TTC21A: variants seen among roughly 807,000 people sequenced by gnomAD.
TTC21A encodes tetratricopeptide repeat protein 21A.
In TTC21A, 128 loss-of-function variants were observed where a neutral mutation model predicts 156.4. That is an observed-to-expected ratio of 0.82 (90% CI 0.71 to 0.95). TTC21A has a LOEUF of 0.95. Ranked by LOEUF, TTC21A falls within the 40% of genes least tolerant of loss-of-function variation. The probability of loss-of-function intolerance (pLI) is 0.00; values close to 1 mark genes in which losing one functional copy is unlikely to be tolerated. For missense variants in TTC21A, 1,435 were observed against 1,602.3 expected (o/e 0.90, Z 1.78); for synonymous variants, 587 against 617.1 (o/e 0.95, Z 0.72).
intron 4 of TTC21A, among the ~76,000 whole-genome samples, chr3:39,111,855 G>A (rs1329328824): frequency 6.6e-6 from 1 of 152,180 alleles, no homozygotes; most frequent in Non-Finnish European, 1.5e-5. Context: ...CCATCAAGAG[G>A]GGTGCTTTAG....
At chr3:39,136,674 G>C in intron 23 of TTC21A, 167 bp downstream of exon 23, 1 of 1,005,066 alleles carries the variant, frequency 9.9e-7, no homozygotes, top group Admixed American at 3.0e-5. Flanking sequence ...GTGGAAGTCA[G>C]GGAGAGCCTG....
intron 6 of TTC21A, among the ~76,000 whole-genome samples, chr3:39,117,031 G>A (rs1275233873): frequency 5.9e-5 from 9 of 152,084 alleles, no homozygotes; most frequent in African/African-American, 2.2e-4. Flanking sequence ...TGAGTTGGAT[G>A]CCTGTCTCAA....
At chr3:39,109,276 C>A in intron 2 of TTC21A, 62 bp downstream of exon 2, 3 of 1,563,192 alleles carry the variant, frequency 1.9e-6, no homozygotes, top group East Asian at 2.3e-5. Flanking sequence ...AACACTCTGG[C>A]TCCACCTGGA....
chr3:39,108,035 C>A, intron 1 of TTC21A, 171 bp downstream of exon 1: 1 of 713,362 alleles, frequency 1.4e-6, no homozygotes, highest in South Asian at 1.8e-5. Context: ...CCGGTGGCTT[C>A]TGCGCACCCT....
chr3:39,136,962 G>C lies in TTC21A; in HGVS notation c.3159G>C (p.Trp1053Cys), dbSNP rs201982985. The C allele has an allele frequency of 1.7e-4, 279 of 1,614,220 alleles. No individual in the cohort carries two copies. In the African/African-American group the frequency reaches 3.3e-3, roughly 19 times the overall value. Residue 1053 changes from tryptophan to cysteine, a missense_variant, in exon 24 of 29, where the codon TGG becomes TGC. By Grantham distance (215) the Trp-to-Cys change is radical. Transcript: ENST00000683103. ...ACAAGGCACGCAAGGACAGCACTTG[G>C]GGCCAGAGCGCCATCTACCACATGG... ...FLNKARKDST[W>C]GQSAIYHMVQ...
Position 39,112,623 on chromosome 3 carries a change from G to A in TTC21A, c.558+43G>A, listed in dbSNP as rs767196219. ...GAGAGGTGGAAGTATTCCTGGCCAG[G>A]CCACTGGAACCAGAGACCCACCAGG... On this transcript the variant is annotated intron_variant, in intron 5 of 28. Transcript: ENST00000683103. 5 of 1,607,356 alleles carry A rather than the reference G, an allele frequency of 3.1e-6. No individual in the cohort carries two copies. In the South Asian group the frequency reaches 4.4e-5, roughly 14 times the overall value.
At chr3:39,122,592 G>A (rs1031321786) in intron 9 of TTC21A, among the ~76,000 whole-genome samples, 3 of 152,174 alleles carry the variant, frequency 2.0e-5, no homozygotes, top group South Asian at 2.1e-4. Flanking sequence ...CAGTGAGAGC[G>A]ATAATAGGAG....
chr3:39,116,670 A>T (rs1261491829), intron 6 of TTC21A, among the ~76,000 whole-genome samples: 1 of 151,880 alleles, frequency 6.6e-6, no homozygotes, highest in Non-Finnish European at 1.5e-5. Context: ...TTTTGTTTTT[A>T]TGTTGCCCAA....
At position 39,134,758 on chromosome 3, in the gene TTC21A, T is replaced by C. The variant is rs2038986314; in HGVS notation, c.2863-335T>C. 1 of 489,536 alleles carries C rather than the reference T, an allele frequency of 2.0e-6. No homozygotes were observed. Among genetic ancestry groups the C allele is most frequent in the South Asian group, 2.3e-5 (1 of 43,692 alleles). The allele number at this position is 489,536 out of a possible 1,614,324, so 30.3% of individuals were successfully genotyped here. On this transcript the variant is annotated intron_variant, in intron 21 of 28. Transcript: ENST00000683103. This position sits in a 1 kb window ranked among gnomAD's most constrained non-coding sequence, Gnocchi z 4.6. ...GGAGGGGTCCTCATCCCTACCTCTATTGCCTGGCAGTTCTCAGAATGGGTG... is the reference window on the plus strand; with the variant it reads ...GGAGGGGTCCTCATCCCTACCTCTACTGCCTGGCAGTTCTCAGAATGGGTG...
chr3:39,128,459 T>C lies in TTC21A; in HGVS notation c.1651T>C (p.Leu551=). ...CAACTTTGGCATGTGCTTCCACTGC[T>C]TAGAGCTGGGTGTCAGCCACAACTT... ...QGNFGMCFHC[L]ELGVSHNFQV... Residue 551 remains leucine, a synonymous_variant, in exon 13 of 29, where the codon TTA becomes CTA. Transcript: ENST00000683103. 6.2e-7 allele frequency: 1 copy of C among 1,614,212 alleles called. No homozygotes were observed. Among genetic ancestry groups the C allele is most frequent in the South Asian group, 1.1e-5 (1 of 91,092 alleles).
Position 39,125,413 on chromosome 3 carries a change from G to C in TTC21A, c.1273G>C (p.Val425Leu). Residue 425 changes from valine (V) to leucine (L), a missense_variant, in exon 11 of 29, where the codon GTG becomes CTG. By Grantham distance (32) the Val-to-Leu change is conservative. Coordinates refer to ENST00000683103, the MANE Select transcript of TTC21A (RefSeq NM_001366900.1). ...GACCACAGCGCTCCTGAAGGAGGCA[G>C]TGGAGCTTCACTTCTCCAGCATGCA... ...EETTALLKEA[V>L]ELHFSSMQGI... is the part of the protein sequence containing the mutation. 6.2e-7 allele frequency: 1 copy of C among 1,614,150 alleles called. No homozygotes were observed. Among genetic ancestry groups the C allele is most frequent in the Non-Finnish European group, 8.5e-7 (1 of 1,179,972 alleles).
chr3:39,114,141 G>T (rs2037072491), intron 5 of TTC21A, among the ~76,000 whole-genome samples: 1 of 152,228 alleles, frequency 6.6e-6, no homozygotes, highest in South Asian at 2.1e-4. Context: ...AGAAGTAGTT[G>T]CCAGAAAACC....
Position 39,110,856 on chromosome 3 carries a change from G to A in TTC21A, c.274G>A (p.Glu92Lys), listed in dbSNP as rs1559666784. The A allele has an allele frequency of 3.7e-6, 6 of 1,613,790 alleles. No homozygotes were observed. Among genetic ancestry groups the A allele is most frequent in the Non-Finnish European group, 4.2e-6 (5 of 1,180,002 alleles). The change falls in exon 4 of 29, where the codon GAA becomes AAA. Residue 92 changes from glutamate to lysine, a missense_variant. By Grantham distance (56) the Glu-to-Lys change is moderately conservative. Transcript: ENST00000683103. ...CTTCGCTCTTGGATTTACAGACCGA[G>A]AAGCAATTCAGGAGCTTGAGTACAG... ...AHKRCEIIDR[E>K]AIQELEYSLK...
intron 5 of TTC21A, 22 bp downstream of exon 5, chr3:39,112,602 G>C: frequency 6.2e-7 from 1 of 1,612,922 alleles, no homozygotes; most frequent in Non-Finnish European, 8.5e-7. Flanking sequence ...AAAAGGGAGA[G>C]GTGGAAGTAT....
At chr3:39,108,643 TG>T (rs763432044) in intron 1 of TTC21A, among the ~76,000 whole-genome samples, 11 of 152,232 alleles carry the variant, frequency 7.2e-5, no homozygotes, top group Non-Finnish European at 1.5e-4. Context: ...TCAGCCCCTT[TG>T]TCAAGCTGTA....
rs372202475 is a variant in TTC21A at position 39,129,135 on chromosome 3, C to T, written c.1960C>T (p.Arg654Cys). ...NEFGGTPEEN[R>C]ITIANVDLVL... ...GTTCGGTGGCACACCAGAAGAGAAC[C>T]GCATCACCATTGCCAACGTGGACTT... The change falls in exon 15 of 29, where the codon CGC (arginine) becomes TGC (cysteine). Residue 654 changes from arginine (R) to cysteine (C), a missense_variant. Arg to Cys is a radical substitution (Grantham distance 180). Transcript: ENST00000683103. The T allele has an allele frequency of 5.3e-4, 854 of 1,614,218 alleles. 5 individuals carry two copies. The South Asian group carries it at 8.0e-3, about 15-fold the overall frequency.
At position 39,125,435 on chromosome 3, in the gene TTC21A, T is replaced by C. The variant is rs1236482730; in HGVS notation, c.1295T>C (p.Met432Thr). 1 of 1,614,132 alleles carries C rather than the reference T, an allele frequency of 6.2e-7. No individual in the cohort carries two copies. The change falls in exon 11 of 29, where the codon ATG (methionine) becomes ACG (threonine). Residue 432 changes from methionine to threonine, a missense_variant. Physicochemically the swap from Met to Thr is moderately conservative, Grantham distance 81 (BLOSUM62 -1). Transcript: ENST00000683103. ...GCAGTGGAGCTTCACTTCTCCAGCATGCAAGGCATCCCTCTTGGCTCTGAG... is the reference window on the plus strand; with the variant it reads ...GCAGTGGAGCTTCACTTCTCCAGCACGCAAGGCATCCCTCTTGGCTCTGAG... ...KEAVELHFSSMQGIPLGSEYF... is the reference protein window; with the variant it reads ...KEAVELHFSSTQGIPLGSEYF...
At chr3:39,107,974 C>T in intron 1 of TTC21A, 110 bp downstream of exon 1, 1 of 1,394,192 alleles carries the variant, frequency 7.2e-7, no homozygotes. Flanking sequence ...TCAGTTATAT[C>T]AGGCGGTCCT....
rs200786509 is a variant in TTC21A, at chr3:39,133,052, G to T, written c.2563G>T (p.Ala855Ser). The stretch of plus-strand genomic sequence containing the variant: ...ATCCTGGCTTGATTGGTTTCTCGAG[G>T]CCTTGGACCTCCAGTCTCGGATACT... ...KEAVIETLNKALDLQSRILKR... is the reference protein window; with the variant it reads ...KEAVIETLNKSLDLQSRILKR... Residue 855 changes from alanine to serine, a missense_variant and splice_region_variant, in exon 20 of 29, where the codon GCC (alanine) becomes TCC (serine). Transcript: ENST00000683103. The T allele has an allele frequency of 5.8e-5, 93 of 1,614,126 alleles. No individual in the cohort carries two copies. The African/African-American group carries it at 1.0e-3, about 18-fold the overall frequency.
Sources: gnomAD v4.1 joint callset for allele counts (sites outside exome capture counted in the v4.1 genomes callset) on GRCh38, gnomAD v4.1.1 for gene constraint, Gnocchi (gnomAD v3.1) non-coding constraint, MANE v1.5 for transcripts, NCBI Gene and HGNC (gene_info 2026-07-23, HGNC 2026-07-21) for gene names.